Variants in FANCI observed in about 807,000 individuals in gnomAD.
The protein encoded by FANCI is FA complementation group I, also known as Fanconi anemia group I protein.
Under a neutral mutation model 176.1 loss-of-function variants are expected in FANCI, and 156 were observed. The ratio of observed to expected loss-of-function variants is 0.89; its 90% CI spans 0.78 to 1.01. FANCI has a LOEUF of 1.01. Ranked by LOEUF, FANCI falls within the 50% of genes least tolerant of loss-of-function variation. FANCI has a pLI of 0.00. For missense variants in FANCI, 1,678 were observed against 1,534.1 expected (o/e 1.09, Z -1.57); for synonymous variants, 613 against 541.7 (o/e 1.13, Z -1.83).
chr15:89,261,937 C>G (rs924221164), intron 6 of FANCI, 59 bp downstream of exon 6: 1 of 1,513,396 alleles, frequency 6.6e-7, no homozygotes, highest in Non-Finnish European at 9.1e-7. Context: ...AAAAAAACCA[C>G]TTTATTTCAG....
chr15:89,299,197 TTA>T (rs2054434842), intron 24 of FANCI, among the ~76,000 whole-genome samples: 1 of 151,410 alleles, frequency 6.6e-6, no homozygotes, highest in Non-Finnish European at 1.5e-5. Flanking sequence ...CTGAGTAATC[TTA>T]TCTCTATTCA....
chr15:89,282,953 G>T (rs2053671770), intron 16 of FANCI, 183 bp from the exon 17 acceptor site: 1 of 634,158 alleles, frequency 1.6e-6, no homozygotes, highest in South Asian at 1.8e-5. Flanking sequence ...TTGAATTTCT[G>T]TACTATAAAT....
intron 27 of FANCI, 87 bp downstream of exon 27, chr15:89,301,529 C>G (rs1005017127): frequency 2.1e-6 from 2 of 933,720 alleles, no homozygotes; most frequent in Non-Finnish European, 3.6e-6. Context: ...TAAATGTCCT[C>G]TTGAAATTGA....
intron 6 of FANCI, 134 bp downstream of exon 6, chr15:89,262,012 AT>A: frequency 2.7e-6 from 2 of 749,108 alleles, no homozygotes; most frequent in Non-Finnish European, 4.6e-6. Flanking sequence ...CTATAAAACT[AT>A]TTAGTCTGCA....
chr15:89,305,562 C>T, intron 30 of FANCI, 43 bp from the exon 31 acceptor site: 1 of 1,606,794 alleles, frequency 6.2e-7, no homozygotes, highest in Non-Finnish European at 8.5e-7. Context: ...ATTACCCCCA[C>T]AGCTGTGTGT....
intron 6 of FANCI, 113 bp from the exon 7 acceptor site, chr15:89,263,306 C>T (rs1385695723): frequency 6.3e-6 from 5 of 797,736 alleles, no homozygotes; most frequent in South Asian, 1.4e-5. Context: ...TCTTGTTTCT[C>T]GGTATTGCAA....
At position 89,292,862 on chromosome 15, in the gene FANCI, C is replaced by G; in HGVS notation, c.2167C>G (p.Leu723Val). The change falls in exon 21 of 38, where the codon CTG becomes GTG. Residue 723 changes from leucine to valine, a missense_variant and splice_region_variant. By Grantham distance (32) the Leu-to-Val change is conservative (BLOSUM62 1). This residue lies in a region of FANCI where 1,204 missense variants were observed against 1,077.4 expected (regional missense o/e 1.12). Coordinates refer to ENST00000310775, the MANE Select transcript of FANCI (RefSeq NM_001113378.2). ...TAAGAGTGAGCTGGAAGACTTTGAA[C>G]TGGTAATTGCTAAGTCCTCAGCTGT... ...MIKSELEDFE[L>V]DKSADFSQST... 1 of 1,614,038 alleles carries G rather than the reference C, an allele frequency of 6.2e-7. No individual in the cohort carries two copies. Among genetic ancestry groups the G allele is most frequent in the African/African-American group, 1.3e-5 (1 of 75,018 alleles).
In FANCI at chr15:89,307,902, G is replaced by A. The variant is rs2054789647; in HGVS notation, c.3651+230G>A. On this transcript the variant is annotated intron_variant, in intron 34 of 37. Coordinates refer to ENST00000310775, the MANE Select transcript of FANCI (RefSeq NM_001113378.2). ...TTGGAGAAAGGAAGCATATATGTTT[G>A]CATTTGGAGCAAGGAAGGAACAAGC... is the stretch of plus-strand genomic sequence containing the variant. 10 of 1,403,808 alleles carry A rather than the reference G, an allele frequency of 7.1e-6. No homozygotes were observed. In the South Asian group the frequency reaches 1.4e-4, roughly 19 times the overall value. The allele number at this position is 1,403,808 out of a possible 1,614,324, so 87.0% of individuals were successfully genotyped here.
rs537752580 is a variant in FANCI at position 89,279,739 on chromosome 15, T to C, written c.1381+965T>C. ...TTCTCCAGGTCCTGGAGGCTGGAAT[T>C]ACCTTTTATTTTCTCAAACACAAGT... On this transcript the variant is annotated intron_variant, in intron 14 of 37. Coordinates refer to ENST00000310775, the MANE Select transcript of FANCI (RefSeq NM_001113378.2). 2.0e-5 allele frequency among the ~76,000 whole-genome samples: 3 copies of C among 152,296 alleles called. No individual in the cohort carries two copies. In the East Asian group the frequency reaches 5.8e-4, roughly 29 times the overall value.
chr15:89,312,900 TTA>T lies in FANCI; in HGVS notation c.3652-3_3652-2del. On this transcript the variant is annotated splice_acceptor_variant and splice_polypyrimidine_tract_variant and intron_variant, in intron 34 of 37. Transcript: ENST00000310775. LOFTEE classifies it high-confidence loss of function. ...AATAAGAGAATGTGTTTCTATTTCT[TTA>T]GAATAAGAGTAAGAGCCTGAACTAT... 6.2e-7 allele frequency: 1 copy of T among 1,611,068 alleles called. No homozygotes were observed. The highest frequency in any genetic ancestry group is 8.5e-7 in the Non-Finnish European group (1 of 1,177,508).
intron 14 of FANCI, 121 bp downstream of exon 14, chr15:89,278,895 G>A (rs1193286265): frequency 4.1e-6 from 3 of 723,396 alleles, no homozygotes; most frequent in Non-Finnish European, 4.8e-6. Flanking sequence ...TTGATAGGAT[G>A]CCAATAAAGG....
At chr15:89,308,259 C>G (rs1334257316) in intron 34 of FANCI, 1 of 805,486 alleles carries the variant, frequency 1.2e-6, no homozygotes, top group East Asian at 1.2e-4. Flanking sequence ...AGTAGCATCC[C>G]TGGCCTCCAC....
At position 89,292,841 on chromosome 15, in the gene FANCI, A is replaced by G. The variant is rs376641420; in HGVS notation, c.2146A>G (p.Ser716Gly). ...LESITNRMIK[S>G]ELEDFELDKS... ...GTCCATTACTAATAGAATGATTAAG[A>G]GTGAGCTGGAAGACTTTGAACTGGT... Residue 716 changes from serine to glycine, a missense_variant, in exon 21 of 38, where the codon AGT (serine) becomes GGT (glycine). Physicochemically the swap from Ser to Gly is moderately conservative, Grantham distance 56. Coordinates refer to ENST00000310775, the MANE Select transcript of FANCI (RefSeq NM_001113378.2). 6.6e-5 allele frequency: 107 copies of G among 1,614,022 alleles called. No homozygotes were observed. Among genetic ancestry groups the G allele is most frequent in the Non-Finnish European group, 8.7e-5 (103 of 1,180,030 alleles).
rs952309569 is a variant in FANCI, at chr15:89,260,652, T to C, written c.158-61T>C. 10 of 1,603,846 alleles carry C rather than the reference T, an allele frequency of 6.2e-6. No individual in the cohort carries two copies. In the Admixed American group the frequency reaches 8.4e-5, roughly 13 times the overall value. ...TATTTAACTACAAACCTGTTCGTTT[T>C]TCCTATTTACCTGTCAATGTTGTAA... is the stretch of plus-strand genomic sequence containing the variant. On this transcript the variant is annotated intron_variant, in intron 3 of 37. Transcript: ENST00000310775.
chr15:89,255,040 C>T (rs954389747), intron 2 of FANCI, among the ~76,000 whole-genome samples: 3 of 152,178 alleles, frequency 2.0e-5, no homozygotes, highest in Non-Finnish European at 4.4e-5. Flanking sequence ...CACTAATGTT[C>T]TCTTTATGTT....
chr15:89,301,364 T>C lies in FANCI; in HGVS notation c.2928T>C (p.Asp976=), dbSNP rs1477025038. The part of the protein sequence containing the change: ...LLNLLSSQEE[D]FNSKEALLLV... Reference sequence around the variant, plus strand: ...ATTTACTTAGCAGTCAAGAGGAAGATTTTAATAGCAAAGAAGCCCTCCTGC... The same window carrying C: ...ATTTACTTAGCAGTCAAGAGGAAGACTTTAATAGCAAAGAAGCCCTCCTGC... Residue 976 remains aspartate (D), a synonymous_variant, in exon 27 of 38, where the codon GAT becomes GAC. Transcript: ENST00000310775. 6.2e-7 allele frequency: 1 copy of C among 1,614,096 alleles called. No homozygotes were observed. The highest frequency in any genetic ancestry group is 2.2e-5 in the East Asian group (1 of 44,878).
At chr15:89,313,900 T>TACAC (rs34352725) in intron 35 of FANCI, among the ~76,000 whole-genome samples, 5,089 of 142,656 alleles carry the variant, frequency 0.036, 159 homozygotes, top group African/African-American at 0.086. Context: ...GGGTTAAAAA[T>TACAC]ACACACACAC....
intron 3 of FANCI, 87 bp downstream of exon 3, chr15:89,258,863 C>A: frequency 1.0e-6 from 1 of 983,974 alleles, no homozygotes; most frequent in Non-Finnish European, 1.6e-6. Context: ...CGGTTTGAAG[C>A]CCCACTGGAA....
intron 18 of FANCI, among the ~76,000 whole-genome samples, chr15:89,288,463 T>C (rs368975144): frequency 1.3e-5 from 2 of 152,348 alleles, no homozygotes; most frequent in East Asian, 3.9e-4. Context: ...CATTGGTATA[T>C]AAAAATACCT....
Sources: allele counts gnomAD v4.1 joint callset (sites outside exome capture counted in the v4.1 genomes callset), GRCh38; gene constraint gnomAD v4.1.1; regional missense constraint gnomAD v4.1.1; transcripts MANE v1.5; gene names NCBI Gene and HGNC (gene_info 2026-07-23, HGNC 2026-07-21).